Variants in SHROOM3 observed in about 807,000 individuals in gnomAD.
SHROOM3 encodes protein Shroom3.
Under a neutral mutation model 138.6 loss-of-function variants are expected in SHROOM3, and 47 were observed. That is an observed-to-expected ratio of 0.34 (90% CI 0.27 to 0.43). The LOEUF is 0.43. Among genes scored for constraint, SHROOM3 ranks in the 20% least tolerant of loss-of-function variants. The pLI is 1.00. For synonymous variants in SHROOM3, 1,062 were observed against 1,063.3 expected (o/e 1.00, Z 0.02); for missense variants, 2,491 against 2,596.5 (o/e 0.96, Z 0.88).
intron 10 of SHROOM3, among the ~76,000 whole-genome samples, chr4:76,773,373 G>GGA (rs1393537286): frequency 0.021 from 1,660 of 80,668 alleles, 36 homozygotes; most frequent in African/African-American, 0.069. Flanking sequence ...GACTGTCTCA[G>GGA]AAAAAAAAAA....
In SHROOM3 at chr4:76,661,334, A is replaced by G. The variant is rs938546086; in HGVS notation, c.324-48822A>G. Among the ~76,000 whole-genome samples, 23 of 151,516 alleles carry G rather than the reference A, an allele frequency of 1.5e-4. 1 individual carries two copies. Among genetic ancestry groups the G allele is most frequent in the Admixed American group, 1.3e-3 (20 of 15,186 alleles). On this transcript the variant is annotated intron_variant, in intron 2 of 10. Transcript: ENST00000296043. Reference sequence around the variant, plus strand: ...AAGCTCCACCTCCTGGGTTCACGCCATTCTCCTGCCTCAGCCTACCAAGTA... The same window carrying G: ...AAGCTCCACCTCCTGGGTTCACGCCGTTCTCCTGCCTCAGCCTACCAAGTA...
intron 4 of SHROOM3, among the ~76,000 whole-genome samples, chr4:76,735,832 T>G (rs997950177): frequency 1.0e-5 from 1 of 98,576 alleles, no homozygotes; most frequent in Non-Finnish European, 1.8e-5. Context: ...AGACCGAGAC[T>G]CTATCTTAAA....
intron 8 of SHROOM3, 67 bp from the exon 9 acceptor site, chr4:76,759,478 C>T (rs1721925638): frequency 6.3e-6 from 10 of 1,590,482 alleles, no homozygotes; most frequent in Non-Finnish European, 7.8e-6. Flanking sequence ...AATGGACTGA[C>T]ATCTGCAGTG....
chr4:76,688,870 G>T, intron 2 of SHROOM3: 1 of 985,144 alleles, frequency 1.0e-6, no homozygotes, highest in South Asian at 4.7e-5. Context: ...AGGCTTCAGC[G>T]GCATTCACCA....
At chr4:76,620,032 C>T (rs182907791) in intron 2 of SHROOM3, among the ~76,000 whole-genome samples, 3 of 127,612 alleles carry the variant, frequency 2.4e-5, no homozygotes, top group East Asian at 4.6e-4. Flanking sequence ...GATGATGCCA[C>T]AGCACTCCAG....
intron 1 of SHROOM3, among the ~76,000 whole-genome samples, chr4:76,555,122 A>G (rs1336051983): frequency 6.6e-6 from 1 of 152,006 alleles, no homozygotes; most frequent in Admixed American, 6.6e-5. Flanking sequence ...TAATGAAAAA[A>G]TAATAAAGTG....
chr4:76,596,495 A>T (rs918947149), intron 2 of SHROOM3, among the ~76,000 whole-genome samples: 1 of 151,984 alleles, frequency 6.6e-6, no homozygotes, highest in African/African-American at 2.4e-5. Context: ...GAAATTGCCT[A>T]ATCAGGCATT....
chr4:76,694,675 A>T (rs1475563060), intron 2 of SHROOM3, among the ~76,000 whole-genome samples: 1 of 152,202 alleles, frequency 6.6e-6, no homozygotes, highest in Non-Finnish European at 1.5e-5. Context: ...ATGATACCTT[A>T]AGAGAGGTAT....
At chr4:76,680,807 A>C (rs1560589310) in intron 2 of SHROOM3, among the ~76,000 whole-genome samples, 1 of 152,148 alleles carries the variant, frequency 6.6e-6, no homozygotes, top group African/African-American at 2.4e-5. Flanking sequence ...AAATTTACCT[A>C]TTCTGCTTCA....
intron 1 of SHROOM3, among the ~76,000 whole-genome samples, chr4:76,547,260 T>C (rs1008551496): frequency 6.6e-6 from 1 of 152,214 alleles, no homozygotes; most frequent in Non-Finnish European, 1.5e-5. Flanking sequence ...GGCTGGAGAA[T>C]GTGGGCTCTG....
rs1409539131 is a variant in SHROOM3, at chr4:76,492,015, C to G, written c.168+55795C>G. 2.0e-5 allele frequency among the ~76,000 whole-genome samples: 3 copies of G among 152,166 alleles called. 1 individual carries two copies. The highest frequency in any genetic ancestry group is 4.4e-5 in the Non-Finnish European group (3 of 68,024). On this transcript the variant is annotated intron_variant, in intron 1 of 10. Transcript: ENST00000296043. ...AAAATGAGGGCTTTTTAACAAAAGTCTGTAAAGGCCGAACAGCCTGGCCCA... is the reference window on the plus strand; with the variant it reads ...AAAATGAGGGCTTTTTAACAAAAGTGTGTAAAGGCCGAACAGCCTGGCCCA...
chr4:76,529,132 G>A (rs751848309), intron 1 of SHROOM3, among the ~76,000 whole-genome samples: 6 of 152,188 alleles, frequency 3.9e-5, no homozygotes, highest in East Asian at 1.9e-4. Context: ...GAAGGATGTC[G>A]GGGAAACCAT....
chr4:76,754,463 G>A lies in SHROOM3; in HGVS notation c.3980G>A (p.Ser1327Asn), dbSNP rs1721735613. The change falls in exon 7 of 11, where the codon AGT becomes AAT. Residue 1327 changes from serine to asparagine, a missense_variant. Ser to Asn is a conservative substitution (Grantham distance 46). Around this residue, in one of 4 missense-constraint regions of SHROOM3, gnomAD observed 1,733 missense variants for 1,661.6 expected, o/e 1.04. Coordinates refer to ENST00000296043, the MANE Select transcript of SHROOM3 (RefSeq NM_020859.4). ...ACCCTGGACCATCAGAGGCAAGCCA[G>A]TAGGACACCCTGCCCCAGGCCACCA... ...PGTLDHQRQA[S>N]RTPCPRPPLA... The A allele has an allele frequency of 2.5e-6, 4 of 1,614,148 alleles. No homozygotes were observed. The highest frequency in any genetic ancestry group is 1.1e-5 in the South Asian group (1 of 91,082).
intron 2 of SHROOM3, among the ~76,000 whole-genome samples, chr4:76,691,022 T>A (rs1719518119): frequency 6.6e-6 from 1 of 152,242 alleles, no homozygotes; most frequent in Non-Finnish European, 1.5e-5. Flanking sequence ...TTCCCACATC[T>A]GCTCCCAGCA....
intron 2 of SHROOM3, among the ~76,000 whole-genome samples, chr4:76,635,343 A>G (rs1410689594): frequency 6.6e-6 from 1 of 152,156 alleles, no homozygotes; most frequent in Non-Finnish European, 1.5e-5. Context: ...GAAAGTGTAA[A>G]TCTCTTCTCC....
At chr4:76,756,314 AGATGTGGAAAGCTACAGCCCT>A (rs1271398017) in intron 7 of SHROOM3, 114 bp from the exon 8 acceptor site, 17 of 1,019,972 alleles carry the variant, frequency 1.7e-5, no homozygotes, top group Non-Finnish European at 2.0e-5. Flanking sequence ...AACATGTGGA[AGATGTGGAAAGCTACAGCCCT>A]GATGTGGAAA....
chr4:76,488,089 T>C (rs1162279989), intron 1 of SHROOM3, among the ~76,000 whole-genome samples: 1 of 152,224 alleles, frequency 6.6e-6, no homozygotes, highest in Non-Finnish European at 1.5e-5. Context: ...TCTTAGCTTC[T>C]AGTATTGTGC....
At chr4:76,672,878 A>G (rs1718929216) in intron 2 of SHROOM3, among the ~76,000 whole-genome samples, 1 of 152,184 alleles carries the variant, frequency 6.6e-6, no homozygotes, top group Non-Finnish European at 1.5e-5. Flanking sequence ...GGCCGGATAC[A>G]TGCATTTTAA....
At chr4:76,658,769 T>C (rs1736121262) in intron 2 of SHROOM3, among the ~76,000 whole-genome samples, 2 of 152,128 alleles carry the variant, frequency 1.3e-5, no homozygotes, top group Admixed American at 1.3e-4. Context: ...GATAAACAGA[T>C]GAATAGTGTC....
Sources: allele counts gnomAD v4.1 joint callset (sites outside exome capture counted in the v4.1 genomes callset), GRCh38; gene constraint gnomAD v4.1.1; regional missense constraint gnomAD v4.1.1; transcripts MANE v1.5; gene names NCBI Gene and HGNC (gene_info 2026-07-23, HGNC 2026-07-21).